ARFGEF3: variants seen among roughly 807,000 people sequenced by gnomAD.
ARFGEF3 encodes the protein ARFGEF family member 3.
A neutral mutation model predicts 221.7 loss-of-function variants in ARFGEF3; 96 were observed. The observed-to-expected ratio is 0.43, with a 90% CI of 0.37 to 0.51. The LOEUF is 0.51. Among genes scored for constraint, ARFGEF3 ranks in the 20% least tolerant of loss-of-function variants. ARFGEF3 has a pLI of 0.00. For synonymous variants in ARFGEF3, 1,145 were observed against 1,126.8 expected, an observed-to-expected ratio of 1.02 and a Z score of -0.32; for missense variants, 2,410 against 2,789.9, an observed-to-expected ratio of 0.86 and a Z score of 3.07.
Position 138,334,108 on chromosome 6 carries a change from G to A in ARFGEF3, c.5262G>A (p.Lys1754=). 1 of 1,613,946 alleles carries A rather than the reference G, an allele frequency of 6.2e-7. No individual in the cohort carries two copies. Among genetic ancestry groups the A allele is most frequent in the Admixed American group, 1.7e-5 (1 of 60,022 alleles). The change falls in exon 33 of 34, where the codon AAG becomes AAA. Residue 1754 remains lysine (K), a synonymous_variant. Transcript: ENST00000251691. This position sits in a 1 kb window ranked among gnomAD's most constrained non-coding sequence, Gnocchi z 5.1. ...AGACGATACAAGTGCCAGAAGCCAA[G>A]CTGGCTGGCTTCCTCAGATACATCT... is the stretch of plus-strand genomic sequence containing the variant. ...EEKTIQVPEA[K]LAGFLRYISM... is the part of the protein sequence containing the mutation.
At chr6:138,249,154 G>A (rs892714830) in intron 8 of ARFGEF3, among the ~76,000 whole-genome samples, 9 of 152,194 alleles carry the variant, frequency 5.9e-5, no homozygotes, top group African/African-American at 2.2e-4. Context: ...ACACTGGGCT[G>A]TGTACATCAG....
At chr6:138,328,406 C>T (rs535592115) in intron 32 of ARFGEF3, among the ~76,000 whole-genome samples, 1 of 152,172 alleles carries the variant, frequency 6.6e-6, no homozygotes, top group Non-Finnish European at 1.5e-5. Context: ...ATTTCTGGTG[C>T]CTAGAAGTCA....
chr6:138,282,445 T>C (rs530414376), intron 14 of ARFGEF3, among the ~76,000 whole-genome samples: 10 of 152,306 alleles, frequency 6.6e-5, no homozygotes, highest in African/African-American at 2.2e-4. Flanking sequence ...CCAAAGGGCA[T>C]GTTATGTTGC....
intron 2 of ARFGEF3, among the ~76,000 whole-genome samples, chr6:138,194,744 G>T (rs1006912114): frequency 6.6e-6 from 1 of 152,108 alleles, no homozygotes; most frequent in Non-Finnish European, 1.5e-5. Flanking sequence ...TTGAAAGATG[G>T]TAAGGACATT....
chr6:138,197,517 G>A (rs1043932791), intron 2 of ARFGEF3, among the ~76,000 whole-genome samples: 1 of 152,162 alleles, frequency 6.6e-6, no homozygotes, highest in African/African-American at 2.4e-5. Context: ...ACAACTGGCG[G>A]CACAGTTGAT....
intron 10 of ARFGEF3, among the ~76,000 whole-genome samples, chr6:138,260,569 T>A (rs192222106): frequency 2.6e-5 from 4 of 152,268 alleles, no homozygotes; most frequent in Admixed American, 2.0e-4. Context: ...ACTCCTTGTA[T>A]TAAAAAGCAG....
chr6:138,214,282 G>T (rs143669316), intron 4 of ARFGEF3, among the ~76,000 whole-genome samples: 2,272 of 152,140 alleles, frequency 0.015, 51 homozygotes, highest in African/African-American at 0.051. Context: ...ACATCTGAAG[G>T]GTATGTTAAT....
intron 14 of ARFGEF3, among the ~76,000 whole-genome samples, chr6:138,282,481 C>A (rs1415060674): frequency 6.6e-6 from 1 of 152,042 alleles, no homozygotes; most frequent in African/African-American, 2.4e-5. Flanking sequence ...GGGGCTCTTA[C>A]AAGGTGTCAG....
chr6:138,305,233 G>T (rs1779697974), intron 22 of ARFGEF3, among the ~76,000 whole-genome samples: 1 of 151,536 alleles, frequency 6.6e-6, no homozygotes, highest in South Asian at 2.1e-4. Context: ...CTGCGTTTCT[G>T]TGATACCAAA....
intron 2 of ARFGEF3, among the ~76,000 whole-genome samples, chr6:138,185,069 T>C (rs1166631134): frequency 6.6e-6 from 1 of 152,250 alleles, no homozygotes; most frequent in Non-Finnish European, 1.5e-5. Flanking sequence ...GTATAGGATC[T>C]GCTCTTATTA....
At chr6:138,270,558 T>C (rs1245177090) in intron 12 of ARFGEF3, among the ~76,000 whole-genome samples, 1 of 152,152 alleles carries the variant, frequency 6.6e-6, no homozygotes, top group East Asian at 1.9e-4. Flanking sequence ...TTACTGACCC[T>C]CTCCCTGCAT....
chr6:138,334,233 A>C lies in ARFGEF3; in HGVS notation c.5387A>C (p.Lys1796Thr). 6.2e-7 allele frequency: 1 copy of C among 1,613,836 alleles called. No individual in the cohort carries two copies. The highest frequency in any genetic ancestry group is 8.5e-7 in the Non-Finnish European group (1 of 1,179,854). ...TSPGLKCLLKKVSGIGGAANL... is the reference protein window; with the variant it reads ...TSPGLKCLLKTVSGIGGAANL... ...CCCGGGCTGAAGTGCCTGCTGAAGA[A>C]AGTGTCTGGCATCGGGGGCGCCGCC... The change falls in exon 33 of 34, where the codon AAA becomes ACA. Residue 1796 changes from lysine (K) to threonine (T), a missense_variant. Lys to Thr is a moderately conservative substitution (Grantham distance 78). Coordinates refer to ENST00000251691, the MANE Select transcript of ARFGEF3 (RefSeq NM_020340.5). This position sits in a 1 kb window ranked among gnomAD's most constrained non-coding sequence, Gnocchi z 5.1.
At chr6:138,203,748 C>A (rs1176537919) in intron 2 of ARFGEF3, among the ~76,000 whole-genome samples, 1 of 152,176 alleles carries the variant, frequency 6.6e-6, no homozygotes, top group Non-Finnish European at 1.5e-5. Flanking sequence ...TTCAATGATT[C>A]TCCTGCCTCA....
At chr6:138,192,807 A>G (rs986654088) in intron 2 of ARFGEF3, among the ~76,000 whole-genome samples, 4 of 152,198 alleles carry the variant, frequency 2.6e-5, no homozygotes, top group African/African-American at 7.2e-5. Flanking sequence ...TATTAGTTCC[A>G]TATTTTTAGA....
intron 14 of ARFGEF3, 52 bp downstream of exon 14, chr6:138,280,216 AC>A: frequency 2.5e-6 from 4 of 1,569,274 alleles, no homozygotes; most frequent in Non-Finnish European, 3.5e-6. Context: ...GGGACGGCTC[AC>A]GCTTTAAAGC....
At chr6:138,167,161 A>G (rs1776739629) in intron 1 of ARFGEF3, among the ~76,000 whole-genome samples, 1 of 152,032 alleles carries the variant, frequency 6.6e-6, no homozygotes, top group Non-Finnish European at 1.5e-5. Flanking sequence ...TACCAGCTCC[A>G]TCTTGGTTCT....
intron 27 of ARFGEF3, among the ~76,000 whole-genome samples, chr6:138,319,320 A>G (rs1462267180): frequency 1.1e-4 from 17 of 151,874 alleles, no homozygotes; most frequent in Middle Eastern, 3.4e-3. Flanking sequence ...AGTTTACATT[A>G]TCTCCTTTAT....
chr6:138,336,280 A>C lies in ARFGEF3; in HGVS notation c.6343-15A>C, dbSNP rs1780320286. 4.0e-6 allele frequency: 6 copies of C among 1,493,172 alleles called. No individual in the cohort carries two copies. The highest frequency in any genetic ancestry group is 5.4e-6 in the Non-Finnish European group (6 of 1,114,228). 92.5% of individuals were successfully genotyped at this position (1,493,172 alleles called of 1,614,324 possible). On this transcript the variant is annotated splice_polypyrimidine_tract_variant and intron_variant, in intron 33 of 33. Transcript: ENST00000251691. ...GGGGGGAAAGCCACTGATTTTCTTA[A>C]ATCTTTTCTCTTAGGCATGGACCAA...
intron 8 of ARFGEF3, among the ~76,000 whole-genome samples, chr6:138,246,241 G>A (rs536841857): frequency 1.6e-4 from 25 of 151,784 alleles, no homozygotes; most frequent in Non-Finnish European, 3.1e-4. Context: ...AACATGGGGC[G>A]AAAAGTCTCC....
Sources: allele counts gnomAD v4.1 joint callset (sites outside exome capture counted in the v4.1 genomes callset), GRCh38; gene constraint gnomAD v4.1.1; non-coding constraint Gnocchi (gnomAD v3.1); transcripts MANE v1.5; gene names NCBI Gene and HGNC (gene_info 2026-07-23, HGNC 2026-07-21).